The following LSM2 variants were observed in gnomAD, a reference collection of about 807,000 sequenced individuals.
The protein encoded by LSM2 is LSM2 homolog, U6 small nuclear RNA and mRNA degradation associated, also known as U6 snRNA-associated Sm-like protein LSm2.
Under a neutral mutation model 17.0 loss-of-function variants are expected in LSM2, and 12 were observed. That is an observed-to-expected ratio of 0.70 (90% CI 0.45 to 1.14). LSM2 has a LOEUF of 1.14. Among genes scored for constraint, LSM2 ranks in the 50% most tolerant of loss-of-function variants. LSM2 has a pLI of 0.00. For synonymous variants in LSM2, 42 were observed against 44.5 expected, an observed-to-expected ratio of 0.94 and a Z score of 0.22; for missense variants, 62 against 111.8, an observed-to-expected ratio of 0.55 and a Z score of 2.01.
At chr6:31,806,710 T>A in intron 1 of LSM2, 45 bp downstream of exon 1, 1 of 1,605,344 alleles carries the variant, frequency 6.2e-7, no homozygotes, top group Non-Finnish European at 8.5e-7. Flanking sequence ...GCCCCAACCA[T>A]GCGAGGTCCC....
chr6:31,806,483 T>C (rs776801267), intron 1 of LSM2: 120 of 610,668 alleles, frequency 2.0e-4, no homozygotes, highest in Middle Eastern at 8.2e-4. Flanking sequence ...TGCCGAAGCT[T>C]GCCTGGCAGA....
chr6:31,806,233 G>A, intron 1 of LSM2, 91 bp from the exon 2 acceptor site: 1 of 1,148,502 alleles, frequency 8.7e-7, no homozygotes, highest in Non-Finnish European at 1.3e-6. Context: ...CTGGTATTGT[G>A]AACCCCACTG....
At chr6:31,798,877 C>T (rs570410932) in intron 2 of LSM2, among the ~76,000 whole-genome samples, 2 of 151,316 alleles carry the variant, frequency 1.3e-5, no homozygotes, top group Non-Finnish European at 2.9e-5. Flanking sequence ...GCTAGGACTT[C>T]AGGCGCATGC....
chr6:31,802,269 G>C (rs1342453341), intron 2 of LSM2, among the ~76,000 whole-genome samples: 1 of 151,136 alleles, frequency 6.6e-6, no homozygotes, highest in Non-Finnish European at 1.5e-5. Flanking sequence ...GACAGAGTGA[G>C]ACCCCATCTC....
Position 31,806,076 on chromosome 6 carries a change from TCAG to T in LSM2, c.67_69del (p.Leu23del). Reference sequence around the variant, plus strand: ...AGACTTGTTGGAACAGGTACCTACCTCAGGTCATTCTTTAGTTCCACGACCACA... The same window carrying T: ...AGACTTGTTGGAACAGGTACCTACCTGTCATTCTTTAGTTCCACGACCACA... On this transcript the variant is annotated inframe_deletion and splice_region_variant, in exon 2 of 5. Transcript: ENST00000375661. The T allele has an allele frequency of 6.2e-7, 1 of 1,612,788 alleles. No individual in the cohort carries two copies. Among genetic ancestry groups the T allele is most frequent in the African/African-American group, 1.3e-5 (1 of 75,032 alleles).
chr6:31,797,924 T>C (rs1814474932), intron 4 of LSM2, 42 bp from the exon 5 acceptor site: 1 of 1,612,686 alleles, frequency 6.2e-7, no homozygotes. Context: ...CTTAAAAATG[T>C]CCTCTAACCA....
At chr6:31,798,405 G>GT in intron 3 of LSM2, 72 bp downstream of exon 3, 3 of 1,573,684 alleles carry the variant, frequency 1.9e-6, no homozygotes, top group Non-Finnish European at 2.6e-6. Flanking sequence ...GAGACATGAT[G>GT]TAAGAACCCA....
intron 4 of LSM2, 37 bp downstream of exon 4, chr6:31,797,953 T>C: frequency 6.2e-7 from 1 of 1,610,966 alleles, no homozygotes; most frequent in Non-Finnish European, 8.5e-7. Context: ...CCTCCTGCTT[T>C]AGAGGTGTTT....
chr6:31,797,570 C>G lies in LSM2; in HGVS notation c.*187G>C. The G allele has an allele frequency of 1.3e-6, 1 of 778,896 alleles. No individual in the cohort carries two copies. The highest frequency in any genetic ancestry group is 2.0e-6 in the Non-Finnish European group (1 of 496,176). The allele number at this position is 778,896 out of a possible 1,614,324, so 48.2% of individuals were successfully genotyped here. On this transcript the variant is annotated 3_prime_UTR_variant, in exon 5 of 5. Coordinates refer to ENST00000375661, the MANE Select transcript of LSM2 (RefSeq NM_021177.5). Reference sequence around the variant, plus strand: ...AAGTTTCCCAGCCTACTTATCCTCCCCTTCTCAAGAGAGGATAGCTGTTCC... The same window carrying G: ...AAGTTTCCCAGCCTACTTATCCTCCGCTTCTCAAGAGAGGATAGCTGTTCC...
intron 2 of LSM2, among the ~76,000 whole-genome samples, chr6:31,803,259 T>C (rs1348047973): frequency 6.6e-6 from 1 of 152,194 alleles, no homozygotes; most frequent in Non-Finnish European, 1.5e-5. Flanking sequence ...CCAGACACAG[T>C]GGCACACACC....
intron 2 of LSM2, among the ~76,000 whole-genome samples, chr6:31,800,851 A>C (rs1814656774): frequency 6.7e-6 from 1 of 149,828 alleles, no homozygotes; most frequent in Non-Finnish European, 1.5e-5. Context: ...ACACCACTAC[A>C]CTCCAGCCTG....
In LSM2 at chr6:31,797,624, T is replaced by TA. The variant is rs543288706; in HGVS notation, c.*132dup. ...TTACTCCTCTCATCCACTCATCCCT[T>TA]AAAAAAAACCCACAAAACCATCATT... On this transcript the variant is annotated 3_prime_UTR_variant, in exon 5 of 5. Transcript: ENST00000375661. 2.6e-4 allele frequency: 356 copies of TA among 1,355,384 alleles called. No individual in the cohort carries two copies. The highest frequency in any genetic ancestry group is 4.1e-4 in the African/African-American group (28 of 68,906). 84.0% of individuals were successfully genotyped at this position (1,355,384 alleles called of 1,614,324 possible). A position where few individuals can be genotyped will look rare whatever the true frequency, so the allele number is the denominator to read the frequency against.
At chr6:31,802,724 C>A (rs1002107846) in intron 2 of LSM2, among the ~76,000 whole-genome samples, 2 of 151,994 alleles carry the variant, frequency 1.3e-5, no homozygotes, top group Non-Finnish European at 2.9e-5. Flanking sequence ...CCAGCCTGGC[C>A]AACATGGTGA....
intron 2 of LSM2, among the ~76,000 whole-genome samples, chr6:31,805,768 A>G (rs948064344): frequency 6.6e-6 from 1 of 152,334 alleles, no homozygotes; most frequent in East Asian, 1.9e-4. Flanking sequence ...AATTTAAGGC[A>G]CAAGGCATTT....
intron 2 of LSM2, among the ~76,000 whole-genome samples, chr6:31,803,362 C>T (rs1041827375): frequency 1.3e-5 from 2 of 152,104 alleles, no homozygotes; most frequent in African/African-American, 4.8e-5. Flanking sequence ...GACTCTGCCT[C>T]TCCAAATAAT....
chr6:31,806,836 G>C lies in LSM2; in HGVS notation c.-79C>G, dbSNP rs1228580308. The C allele has an allele frequency of 2.6e-6, 4 of 1,510,726 alleles. No homozygotes were observed. In the African/African-American group the frequency reaches 5.7e-5, roughly 21 times the overall value. 93.6% of individuals were successfully genotyped at this position (1,510,726 alleles called of 1,614,324 possible). On this transcript the variant is annotated 5_prime_UTR_variant, in exon 1 of 5. Coordinates refer to ENST00000375661, the MANE Select transcript of LSM2 (RefSeq NM_021177.5). The stretch of plus-strand genomic sequence containing the variant: ...AGCAGGTCTGGGGAAACCGAAGCGC[G>C]AGCCCGCGCGTGGGGCGAGGCGGGA...
In LSM2 at chr6:31,797,642, CCAT is replaced by C; in HGVS notation, c.*112_*114del. On this transcript the variant is annotated 3_prime_UTR_variant, in exon 5 of 5. Transcript: ENST00000375661. ...CATCCCTTAAAAAAAACCCACAAAA[CCAT>C]CATTAGTAAAAAAACAAAACCCCTT... 1 of 1,491,462 alleles carries C rather than the reference CCAT, an allele frequency of 6.7e-7. No homozygotes were observed. The highest frequency in any genetic ancestry group is 9.1e-7 in the Non-Finnish European group (1 of 1,097,352). The allele number at this position is 1,491,462 out of a possible 1,614,324, so 92.4% of individuals were successfully genotyped here.
At chr6:31,806,626 C>G in intron 1 of LSM2, 129 bp downstream of exon 1, 1 of 1,221,698 alleles carries the variant, frequency 8.2e-7, no homozygotes, top group East Asian at 2.5e-5. Flanking sequence ...ACCTGAGAAA[C>G]AGTACAGTAC....
chr6:31,801,812 A>G (rs1814724801), intron 2 of LSM2, among the ~76,000 whole-genome samples: 1 of 151,480 alleles, frequency 6.6e-6, no homozygotes, highest in African/African-American at 2.4e-5. Context: ...AAAAAAGGAG[A>G]AAGATCTTCT....
Sources: gnomAD v4.1 joint callset for allele counts (sites outside exome capture counted in the v4.1 genomes callset) on GRCh38, gnomAD v4.1.1 for gene constraint, MANE v1.5 for transcripts, NCBI Gene and HGNC (gene_info 2026-07-23, HGNC 2026-07-21) for gene names.